Variants in ZNF407 observed in about 807,000 individuals in gnomAD.
The protein encoded by ZNF407 is zinc finger protein 407.
A neutral mutation model predicts 131.2 loss-of-function variants in ZNF407; 17 were observed. That is an observed-to-expected ratio of 0.13 (90% CI 0.09 to 0.19). The LOEUF is 0.19. ZNF407 is among the 10% of genes least tolerant of loss of function. ZNF407 has a pLI of 1.00. For missense variants in ZNF407, 2,681 were observed against 2,830.6 expected (o/e 0.95, Z 1.20); for synonymous variants, 1,156 against 1,062.0 (o/e 1.09, Z -1.72).
intron 3 of ZNF407, among the ~76,000 whole-genome samples, chr18:74,657,658 C>T (rs986567057): frequency 8.5e-5 from 13 of 152,172 alleles, no homozygotes; most frequent in East Asian, 3.9e-4. Flanking sequence ...TTCACCTCCA[C>T]GTTGGTTCCT....
At chr18:75,028,122 A>T (rs1414864546) in intron 8 of ZNF407, among the ~76,000 whole-genome samples, 10 of 152,214 alleles carry the variant, frequency 6.6e-5, no homozygotes. Context: ...ACGCTCATTG[A>T]ACTACATATT....
intron 3 of ZNF407, among the ~76,000 whole-genome samples, chr18:74,768,967 T>C (rs538248545): frequency 9.2e-5 from 14 of 152,288 alleles, no homozygotes; most frequent in Middle Eastern, 3.4e-3. Context: ...CTTCCTCTTG[T>C]CTTTGGGGTC....
At position 74,822,057 on chromosome 18, in the gene ZNF407, T is replaced by C. The variant is rs1023556665; in HGVS notation, c.4877+40555T>C. 2.0e-4 allele frequency among the ~76,000 whole-genome samples: 30 copies of C among 152,224 alleles called. 1 individual carries two copies. The highest frequency in any genetic ancestry group is 6.8e-4 in the African/African-American group (28 of 41,456). ...GCTTTTTTTTCATATGTTTGTTGGCTGCATAAATGTCTTCTTTTGAGAAGT... is the reference window on the plus strand; with the variant it reads ...GCTTTTTTTTCATATGTTTGTTGGCCGCATAAATGTCTTCTTTTGAGAAGT... On this transcript the variant is annotated intron_variant, in intron 4 of 8. Transcript: ENST00000299687.
chr18:74,767,492 A>G (rs949091699), intron 3 of ZNF407, among the ~76,000 whole-genome samples: 6 of 152,058 alleles, frequency 3.9e-5, no homozygotes, highest in Non-Finnish European at 7.4e-5. Context: ...ATTGTGTTCT[A>G]ATTTTTGTAT....
At chr18:74,608,029 C>T (rs117108262) in intron 1 of ZNF407, among the ~76,000 whole-genome samples, 1,584 of 152,230 alleles carry the variant, frequency 0.01, 12 homozygotes, top group Non-Finnish European at 0.017. Context: ...TAATCCCTCC[C>T]TTTTGTCTTT....
At chr18:74,933,829 A>C (rs1050434040) in intron 8 of ZNF407, among the ~76,000 whole-genome samples, 3 of 152,228 alleles carry the variant, frequency 2.0e-5, no homozygotes, top group African/African-American at 7.2e-5. Flanking sequence ...AAATATATCC[A>C]TTTAATGAGG....
At chr18:74,906,899 C>T (rs906570139) in intron 7 of ZNF407, among the ~76,000 whole-genome samples, 2 of 151,864 alleles carry the variant, frequency 1.3e-5, no homozygotes, top group East Asian at 1.9e-4. Flanking sequence ...TATGTGTATA[C>T]GTATATATTT....
At chr18:74,811,447 A>C (rs1970193783) in intron 4 of ZNF407, among the ~76,000 whole-genome samples, 1 of 152,196 alleles carries the variant, frequency 6.6e-6, no homozygotes, top group Non-Finnish European at 1.5e-5. Flanking sequence ...TAGTTCAACC[A>C]TTGTGGAAGT....
chr18:74,617,134 A>G (rs1983344674), intron 1 of ZNF407, among the ~76,000 whole-genome samples: 1 of 141,976 alleles, frequency 7.0e-6, no homozygotes, highest in Non-Finnish European at 1.5e-5. Flanking sequence ...ATCCATATCC[A>G]CACACCACAC....
At chr18:75,030,803 C>G (rs1454055112) in intron 8 of ZNF407, among the ~76,000 whole-genome samples, 1 of 152,178 alleles carries the variant, frequency 6.6e-6, no homozygotes, top group Admixed American at 6.5e-5. Flanking sequence ...CCCCAGCCCC[C>G]ACCCTGCTGC....
intron 4 of ZNF407, among the ~76,000 whole-genome samples, chr18:74,829,155 ACT>A (rs1970449229): frequency 6.6e-6 from 1 of 152,206 alleles, no homozygotes; most frequent in Admixed American, 6.5e-5. Flanking sequence ...CTGTCATGTG[ACT>A]CACACACAAC....
chr18:74,661,073 A>G (rs79631208), intron 3 of ZNF407, among the ~76,000 whole-genome samples: 4,262 of 152,252 alleles, frequency 0.028, 91 homozygotes, highest in Middle Eastern at 0.054. Flanking sequence ...TTTCTTTGAG[A>G]TAAGAGTGTT....
chr18:74,838,351 T>G (rs901695179), intron 4 of ZNF407, among the ~76,000 whole-genome samples: 1 of 152,198 alleles, frequency 6.6e-6, no homozygotes, highest in African/African-American at 2.4e-5. Flanking sequence ...CTGTACCAAG[T>G]TCAGTATACA....
intron 8 of ZNF407, among the ~76,000 whole-genome samples, chr18:75,055,881 A>G (rs1471999994): frequency 6.6e-6 from 1 of 152,210 alleles, no homozygotes; most frequent in East Asian, 1.9e-4. Flanking sequence ...TAAAAATTGC[A>G]TGGTATATCC....
At chr18:74,772,244 T>C (rs529521385) in intron 3 of ZNF407, among the ~76,000 whole-genome samples, 50 of 152,356 alleles carry the variant, frequency 3.3e-4, no homozygotes, top group Admixed American at 3.9e-4. Flanking sequence ...CATATAAAAC[T>C]GTTGTATAAA....
intron 8 of ZNF407, among the ~76,000 whole-genome samples, chr18:74,986,857 G>C (rs1435853085): frequency 1.3e-5 from 2 of 151,878 alleles, no homozygotes; most frequent in Non-Finnish European, 2.9e-5. Flanking sequence ...TTTTCTCTTA[G>C]TTATATTATT....
Position 74,889,910 on chromosome 18 carries a change from T to C in ZNF407, c.5129-8T>C, listed in dbSNP as rs368630242. On this transcript the variant is annotated splice_region_variant and splice_polypyrimidine_tract_variant and intron_variant, in intron 6 of 8. Transcript: ENST00000299687. Reference sequence around the variant, plus strand: ...TATTCATCTGTAACATTTCTTGATATATTACAGGAGAAAAACCTTTCAAGT... The same window carrying C: ...TATTCATCTGTAACATTTCTTGATACATTACAGGAGAAAAACCTTTCAAGT... 3.8e-5 allele frequency: 61 copies of C among 1,603,410 alleles called. No homozygotes were observed. The highest frequency in any genetic ancestry group is 8.6e-5 in the Admixed American group (5 of 58,230).
At chr18:74,940,422 C>A (rs973914184) in intron 8 of ZNF407, among the ~76,000 whole-genome samples, 1 of 152,060 alleles carries the variant, frequency 6.6e-6, no homozygotes. Flanking sequence ...CTTTGCTGGC[C>A]ATTAGTATTA....
intron 3 of ZNF407, among the ~76,000 whole-genome samples, chr18:74,729,247 T>C (rs569302342): frequency 6.6e-6 from 1 of 152,318 alleles, no homozygotes; most frequent in Admixed American, 6.5e-5. Context: ...CTGGTTACTG[T>C]TTATTGAACA....
Sources: gnomAD v4.1 joint callset for allele counts (sites outside exome capture counted in the v4.1 genomes callset) on GRCh38, gnomAD v4.1.1 for gene constraint, MANE v1.5 for transcripts, NCBI Gene and HGNC (gene_info 2026-07-23, HGNC 2026-07-21) for gene names.